The following TENM3 variants were observed in gnomAD, a reference collection of about 807,000 sequenced individuals.
The protein encoded by TENM3 is teneurin-3.
A neutral mutation model predicts 255.1 loss-of-function variants in TENM3; 63 were observed. The ratio of observed to expected loss-of-function variants is 0.25; its 90% CI spans 0.20 to 0.30. The LOEUF is 0.30. TENM3 is among the 10% of genes least tolerant of loss of function. TENM3 has a pLI of 1.00. For missense variants in TENM3, 2,929 were observed against 3,461.1 expected (o/e 0.85, Z 3.86); for synonymous variants, 1,306 against 1,322.3 (o/e 0.99, Z 0.27).
At chr4:182,487,129 G>A (rs112310132) in intron 3 of TENM3, among the ~76,000 whole-genome samples, 1 of 152,146 alleles carries the variant, frequency 6.6e-6, no homozygotes, top group Non-Finnish European at 1.5e-5. Context: ...TCTAGAATTT[G>A]GTGAGTCACC....
intron 3 of TENM3, among the ~76,000 whole-genome samples, chr4:182,374,950 CTTCT>C (rs1767079408): frequency 2.0e-5 from 3 of 152,092 alleles, no homozygotes; most frequent in Admixed American, 1.3e-4. Flanking sequence ...GTAATGGAGT[CTTCT>C]TTATTATTTG....
intron 13 of TENM3, among the ~76,000 whole-genome samples, chr4:182,723,989 G>T (rs1019867292): frequency 3.3e-5 from 5 of 152,164 alleles, no homozygotes; most frequent in Admixed American, 6.5e-5. Flanking sequence ...AAAAATAATG[G>T]ACAGAAAAGC....
At chr4:181,610,151 T>C in the TENM3 span, among the ~76,000 whole-genome samples, 2 of 152,308 alleles carry the variant, frequency 1.3e-5, no homozygotes, top group South Asian at 4.1e-4. Flanking sequence ...ACGAACCACA[T>C]CAATGTTGCA....
intron 3 of TENM3, among the ~76,000 whole-genome samples, chr4:182,458,069 A>G (rs950823088): frequency 2.6e-5 from 4 of 152,198 alleles, no homozygotes; most frequent in African/African-American, 9.6e-5. Context: ...CATTTAATTT[A>G]TCAAGTGCTT....
upstream of TENM3, among the ~76,000 whole-genome samples, chr4:182,242,003 CT>C (rs763045070): frequency 3.3e-4 from 42 of 125,770 alleles, 2 homozygotes; most frequent in South Asian, 2.7e-3. Flanking sequence ...AATTTGCCTT[CT>C]TTTTTTTTTT....
the TENM3 span, among the ~76,000 whole-genome samples, chr4:181,857,370 G>A: frequency 6.6e-6 from 1 of 151,894 alleles, no homozygotes; most frequent in East Asian, 1.9e-4. Flanking sequence ...GGGTGGACCA[G>A]GGGAGGGGTG....
the TENM3 span, among the ~76,000 whole-genome samples, chr4:182,132,753 G>GTT: frequency 1.3e-5 from 2 of 152,312 alleles, no homozygotes; most frequent in Non-Finnish European, 2.9e-5. Flanking sequence ...GTGTGTGTAA[G>GTT]ATTTTATATG....
the TENM3 span, among the ~76,000 whole-genome samples, chr4:181,982,841 CAAAAG>C: frequency 2.0e-5 from 3 of 152,152 alleles, no homozygotes; most frequent in African/African-American, 7.2e-5. Context: ...TTATAATGCT[CAAAAG>C]AAAAGTTGTT....
At chr4:181,527,401 C>G in the TENM3 span, among the ~76,000 whole-genome samples, 1 of 152,114 alleles carries the variant, frequency 6.6e-6, no homozygotes, top group African/African-American at 2.4e-5. Context: ...CAGAGTCTCG[C>G]TTTGTCACCC....
At chr4:181,684,967 T>C in the TENM3 span, among the ~76,000 whole-genome samples, 1 of 144,936 alleles carries the variant, frequency 6.9e-6, no homozygotes. Context: ...CATCAAGCTA[T>C]GTTGTTCAGG....
chr4:181,587,529 T>A, the TENM3 span, among the ~76,000 whole-genome samples: 5 of 152,168 alleles, frequency 3.3e-5, no homozygotes, highest in African/African-American at 4.8e-5. Context: ...AACCCACGTA[T>A]GATGTTGGTA....
At chr4:182,086,057 G>A in the TENM3 span, among the ~76,000 whole-genome samples, 1 of 152,158 alleles carries the variant, frequency 6.6e-6, no homozygotes, top group Non-Finnish European at 1.5e-5. Flanking sequence ...CCTTTGAAAA[G>A]GGCTGACACT....
the TENM3 span, among the ~76,000 whole-genome samples, chr4:182,025,758 C>T: frequency 6.6e-6 from 1 of 152,062 alleles, no homozygotes; most frequent in African/African-American, 2.4e-5. Context: ...TTTTGATCTG[C>T]ATTTCTATGA....
intron 3 of TENM3, among the ~76,000 whole-genome samples, chr4:182,462,687 G>A (rs902611367): frequency 2.6e-5 from 4 of 151,862 alleles, no homozygotes; most frequent in Non-Finnish European, 5.9e-5. Context: ...AGGAGTTGGC[G>A]ACCAGGCTGG....
the TENM3 span, among the ~76,000 whole-genome samples, chr4:181,892,560 C>G: frequency 6.6e-6 from 1 of 152,172 alleles, no homozygotes; most frequent in Non-Finnish European, 1.5e-5. Context: ...TTTACTTTCT[C>G]GATCTTGGAA....
At chr4:181,939,687 A>G in the TENM3 span, among the ~76,000 whole-genome samples, 1 of 152,242 alleles carries the variant, frequency 6.6e-6, no homozygotes, top group Non-Finnish European at 1.5e-5. Flanking sequence ...ATTGTTGGAC[A>G]GCTATATAAG....
At chr4:182,409,625 A>G (rs1041425475) in intron 3 of TENM3, among the ~76,000 whole-genome samples, 3 of 152,202 alleles carry the variant, frequency 2.0e-5, no homozygotes, top group African/African-American at 7.2e-5. Context: ...CCGTCTACTG[A>G]CATGGGTGAT....
the TENM3 span, among the ~76,000 whole-genome samples, chr4:181,961,681 G>C: frequency 6.6e-6 from 1 of 152,020 alleles, no homozygotes; most frequent in Non-Finnish European, 1.5e-5. Flanking sequence ...GGCCTCCCAA[G>C]ATAAAAAAAT....
chr4:182,362,176 C>A (rs1211366484), intron 3 of TENM3, among the ~76,000 whole-genome samples: 1 of 152,052 alleles, frequency 6.6e-6, no homozygotes, highest in Non-Finnish European at 1.5e-5. Context: ...GGGTCAGGGA[C>A]CCACTTGAGG....
Sources: gnomAD v4.1 joint callset for allele counts (sites outside exome capture counted in the v4.1 genomes callset) on GRCh38, gnomAD v4.1.1 for gene constraint, MANE v1.5 for transcripts, NCBI Gene and HGNC (gene_info 2026-07-23, HGNC 2026-07-21) for gene names.